Variants in LRFN2 observed in about 807,000 individuals in gnomAD.
LRFN2 encodes leucine-rich repeat and fibronectin type-III domain-containing protein 2.
LRFN2 carries 18 observed loss-of-function variants against 37.3 expected under a neutral mutation model. The ratio of observed to expected loss-of-function variants is 0.48; its 90% confidence interval spans 0.33 to 0.72. The LOEUF is 0.72. Among genes scored for constraint, LRFN2 ranks in the 30% least tolerant of loss-of-function variants. LRFN2 has a pLI of 0.02. For synonymous variants in LRFN2, 556 were observed against 466.6 expected (o/e 1.19, Z -2.47); for missense variants, 1,006 against 1,060.7 (o/e 0.95, Z 0.72).
intron 1 of LRFN2, among the ~76,000 whole-genome samples, chr6:40,522,393 C>T (rs1340980031): frequency 2.0e-5 from 3 of 152,086 alleles, no homozygotes; most frequent in Non-Finnish European, 4.4e-5. Context: ...GCCCAGAGCC[C>T]CAGCCCACTA....
chr6:40,561,699 G>A (rs138817734), intron 1 of LRFN2, among the ~76,000 whole-genome samples: 15 of 152,326 alleles, frequency 9.8e-5, no homozygotes, highest in African/African-American at 3.4e-4. Flanking sequence ...AAGCAAGGGA[G>A]GCACAGCCTT....
intron 1 of LRFN2, among the ~76,000 whole-genome samples, chr6:40,521,445 C>A (rs1314678128): frequency 6.6e-6 from 1 of 152,232 alleles, no homozygotes; most frequent in African/African-American, 2.4e-5. Context: ...ATACTAACAG[C>A]CTGTTATTAA....
rs150162486 is a variant in LRFN2, at chr6:40,568,790, C to T, written c.-19+18151G>A. 9.1e-3 allele frequency among the ~76,000 whole-genome samples: 1,372 copies of T among 151,292 alleles called. 14 individuals are homozygous for T. Among genetic ancestry groups the T allele is most frequent in the African/African-American group, 0.023 (943 of 41,128 alleles). ...AGGCTGGAGTGCAATGGTGCGATCT[C>T]GGCTCACTGTAACCTCCGCCTCCTG... On this transcript the variant is annotated intron_variant, in intron 1 of 2. Coordinates refer to ENST00000338305, the MANE Select transcript of LRFN2 (RefSeq NM_020737.3).
chr6:40,498,658 T>C (rs1444717900), intron 1 of LRFN2, among the ~76,000 whole-genome samples: 1 of 152,224 alleles, frequency 6.6e-6, no homozygotes, highest in Non-Finnish European at 1.5e-5. Context: ...CAGCCCACTC[T>C]GCGACACCCA....
At chr6:40,520,067 G>T (rs1004604430) in intron 1 of LRFN2, among the ~76,000 whole-genome samples, 3 of 152,138 alleles carry the variant, frequency 2.0e-5, no homozygotes, top group Admixed American at 6.5e-5. Flanking sequence ...AGGCTGCAAA[G>T]GTAGGCAGGG....
At chr6:40,400,386 G>T (rs1313042047) in intron 2 of LRFN2, among the ~76,000 whole-genome samples, 1 of 150,794 alleles carries the variant, frequency 6.6e-6, no homozygotes, top group African/African-American at 2.4e-5. Flanking sequence ...GACACTGGCT[G>T]GTTCTGAGGA....
rs772660191 is a variant in LRFN2, at chr6:40,392,753, C to T, written c.1560G>A (p.Pro520=). ...TCTGGCTGTGCATGGACTGGCACTG[C>T]GGGTAGTCAGCCTTGGTGAAGAACT... ...CAQFFTKADY[P]QCQSMHSQIL... Residue 520 remains proline (P), a synonymous_variant, in exon 3 of 3, where the codon CCG becomes CCA. Coordinates refer to ENST00000338305, the MANE Select transcript of LRFN2 (RefSeq NM_020737.3). This position sits in a 1 kb window ranked among gnomAD's most constrained non-coding sequence, Gnocchi z 4.7. 2.7e-5 allele frequency: 44 copies of T among 1,614,066 alleles called. No homozygotes were observed. The highest frequency in any genetic ancestry group is 3.4e-5 in the Non-Finnish European group (40 of 1,179,994).
intron 2 of LRFN2, among the ~76,000 whole-genome samples, chr6:40,428,993 G>A (rs1332700790): frequency 6.6e-6 from 1 of 152,084 alleles, no homozygotes; most frequent in Non-Finnish European, 1.5e-5. Context: ...ACTACTACTA[G>A]TATTGATAAT....
At chr6:40,400,667 C>T (rs1762719628) in intron 2 of LRFN2, among the ~76,000 whole-genome samples, 1 of 151,664 alleles carries the variant, frequency 6.6e-6, no homozygotes, top group Admixed American at 6.6e-5. Flanking sequence ...GTGATCCACC[C>T]ACCTTGGCCT....
Position 40,432,086 on chromosome 6 carries a change from G to A in LRFN2, c.1028C>T (p.Thr343Ile). 1.2e-6 allele frequency: 2 copies of A among 1,614,060 alleles called. No homozygotes were observed. Among genetic ancestry groups the A allele is most frequent in the Non-Finnish European group, 1.7e-6 (2 of 1,180,006 alleles). ...SSRTAVYDNG[T>I]LDIFITTSQD... The stretch of plus-strand genomic sequence containing the variant: ...AGATGTGGTGATGAAGATGTCCAGG[G>A]TGCCATTGTCATAGACAGCGGTCCT... Residue 343 changes from threonine (T) to isoleucine (I), a missense_variant, in exon 2 of 3, where the codon ACC becomes ATC. This residue lies in a region of LRFN2 where 303 missense variants were observed against 299.8 expected (regional missense o/e 1.01). Coordinates refer to ENST00000338305, the MANE Select transcript of LRFN2 (RefSeq NM_020737.3).
At chr6:40,450,365 AG>A (rs1272323554) in intron 1 of LRFN2, among the ~76,000 whole-genome samples, 1 of 152,206 alleles carries the variant, frequency 6.6e-6, no homozygotes, top group Non-Finnish European at 1.5e-5. Context: ...GTTGGGAGAG[AG>A]GAGTGAAGGC....
In LRFN2 at chr6:40,392,851, C is replaced by A. The variant is rs55706368; in HGVS notation, c.1462G>T (p.Asp488Tyr). The change falls in exon 3 of 3, where the codon GAC becomes TAC. Residue 488 changes from aspartate (D) to tyrosine (Y), a missense_variant. This residue lies in a region of LRFN2 where 120 missense variants were observed against 178.4 expected (regional missense o/e 0.67). Transcript: ENST00000338305. This position sits in a 1 kb window ranked among gnomAD's most constrained non-coding sequence, Gnocchi z 4.7. ...TCCCACATGGCCAGCACACACAAGT[C>A]GTAGCCAGTCCCTGACACCAGGTTG... is the stretch of plus-strand genomic sequence containing the variant. ...VNNLVSGTGY[D>Y]LCVLAMWDDT... is the part of the protein sequence containing the mutation. 2 of 1,613,898 alleles carry A rather than the reference C, an allele frequency of 1.2e-6. No homozygotes were observed. The highest frequency in any genetic ancestry group is 1.3e-5 in the African/African-American group (1 of 75,010).
intron 2 of LRFN2, among the ~76,000 whole-genome samples, chr6:40,406,750 T>G (rs1027166684): frequency 6.6e-6 from 1 of 152,254 alleles, no homozygotes; most frequent in Admixed American, 6.5e-5. Context: ...TTCTTTCTTT[T>G]GGACATGTTG....
At chr6:40,550,364 G>A (rs192936054) in intron 1 of LRFN2, among the ~76,000 whole-genome samples, 55 of 149,082 alleles carry the variant, frequency 3.7e-4, no homozygotes, top group African/African-American at 1.1e-3. Context: ...GTAATCTAAC[G>A]TCTTTAGAGA....
At chr6:40,444,289 A>T (rs1763913945) in intron 1 of LRFN2, among the ~76,000 whole-genome samples, 1 of 152,210 alleles carries the variant, frequency 6.6e-6, no homozygotes, top group South Asian at 2.1e-4. Flanking sequence ...AAAAGGAGAA[A>T]GAAGAAAGAG....
chr6:40,435,052 T>TAG (rs1202054790), intron 1 of LRFN2, among the ~76,000 whole-genome samples: 921 of 37,478 alleles, frequency 0.025, 37 homozygotes, highest in South Asian at 0.029. Context: ...TATATATATA[T>TAG]AGAGAGAGAG....
intron 1 of LRFN2, among the ~76,000 whole-genome samples, chr6:40,531,108 C>T (rs1561897753): frequency 6.6e-6 from 1 of 152,186 alleles, no homozygotes; most frequent in East Asian, 1.9e-4. Context: ...AAACTCATCC[C>T]TCATGCTCCT....
chr6:40,393,759 T>C (rs1045834776), intron 2 of LRFN2, among the ~76,000 whole-genome samples: 17 of 152,198 alleles, frequency 1.1e-4, no homozygotes, highest in African/African-American at 4.1e-4. Flanking sequence ...CATCAACACT[T>C]TCTGAGCCTT....
intron 2 of LRFN2, among the ~76,000 whole-genome samples, chr6:40,425,597 T>G (rs1256797026): frequency 1.3e-5 from 2 of 152,220 alleles, no homozygotes; most frequent in Non-Finnish European, 2.9e-5. Flanking sequence ...TCCCCTTTGT[T>G]GCTGTCACCA....
Sources: allele counts gnomAD v4.1 joint callset (sites outside exome capture counted in the v4.1 genomes callset), GRCh38; gene constraint gnomAD v4.1.1; regional missense constraint gnomAD v4.1.1; non-coding constraint Gnocchi (gnomAD v3.1); transcripts MANE v1.5; gene names NCBI Gene and HGNC (gene_info 2026-07-23, HGNC 2026-07-21).